Variants in SEPTIN14 observed in about 807,000 individuals in gnomAD.
SEPTIN14 encodes the protein septin-14.
In SEPTIN14, 40 loss-of-function variants were observed where a neutral mutation model predicts 53.6. That is an observed-to-expected ratio of 0.75 (90% CI 0.58 to 0.97). The LOEUF (loss-of-function observed/expected upper bound fraction) is 0.97. SEPTIN14 is among the 50% of genes least tolerant of loss of function. SEPTIN14 has a pLI of 0.00. For missense variants in SEPTIN14, 471 were observed against 508.2 expected (o/e 0.93, Z 0.70); for synonymous variants, 138 against 166.8 (o/e 0.83, Z 1.33).
chr7:55,859,453 T>C (rs962993335), intron 2 of SEPTIN14, among the ~76,000 whole-genome samples: 3 of 152,318 alleles, frequency 2.0e-5, no homozygotes, highest in South Asian at 4.1e-4. Flanking sequence ...TGTGTTTCAC[T>C]GGTCTATGTT....
chr7:55,802,964 G>C (rs1788547215), intron 9 of SEPTIN14, among the ~76,000 whole-genome samples: 1 of 149,446 alleles, frequency 6.7e-6, no homozygotes, highest in Non-Finnish European at 1.5e-5. Flanking sequence ...TTGAGATGGA[G>C]TCTCACTCTG....
chr7:55,833,023 A>C (rs530308234), intron 6 of SEPTIN14, among the ~76,000 whole-genome samples: 2 of 152,304 alleles, frequency 1.3e-5, no homozygotes, highest in Admixed American at 1.3e-4. Context: ...TCTTTTTTTA[A>C]AAAAAGATCT....
chr7:55,830,648 T>A (rs2116023104), intron 6 of SEPTIN14, among the ~76,000 whole-genome samples: 2 of 150,726 alleles, frequency 1.3e-5, no homozygotes, highest in East Asian at 3.9e-4. Context: ...AGGCCCCAAC[T>A]GTATATTGTT....
chr7:55,819,067 A>T, intron 7 of SEPTIN14, 60 bp downstream of exon 7: 1 of 924,034 alleles, frequency 1.1e-6, no homozygotes, highest in Middle Eastern at 2.1e-4. Context: ...TTTTGAGACT[A>T]TGAGTGATAC....
chr7:55,813,832 C>T (rs2115980580), intron 7 of SEPTIN14, among the ~76,000 whole-genome samples: 1 of 152,266 alleles, frequency 6.6e-6, no homozygotes, highest in Admixed American at 6.5e-5. Context: ...AGAGATGGAC[C>T]CAGCCCAGCA....
chr7:55,839,282 G>A (rs969589563), intron 5 of SEPTIN14, among the ~76,000 whole-genome samples: 7 of 151,668 alleles, frequency 4.6e-5, no homozygotes, highest in African/African-American at 4.8e-5. Context: ...CCAGCTACTC[G>A]GGAGGCTGAG....
intron 5 of SEPTIN14, among the ~76,000 whole-genome samples, chr7:55,835,854 T>C (rs982174190): frequency 2.2e-4 from 34 of 152,158 alleles, no homozygotes; most frequent in African/African-American, 6.5e-4. Flanking sequence ...GCAAGTCTCC[T>C]GCTTCAGCCT....
At chr7:55,848,252 C>T (rs770259766) in intron 2 of SEPTIN14, among the ~76,000 whole-genome samples, 2 of 152,136 alleles carry the variant, frequency 1.3e-5, no homozygotes, top group African/African-American at 2.4e-5. Context: ...ACCTCCATCA[C>T]CCGGGCTCCA....
intron 6 of SEPTIN14, among the ~76,000 whole-genome samples, chr7:55,822,342 TG>T (rs1788910471): frequency 6.6e-6 from 1 of 152,234 alleles, no homozygotes; most frequent in Admixed American, 6.5e-5. Context: ...ACTTAACCTA[TG>T]TATTCACCAC....
intron 7 of SEPTIN14, 68 bp from the exon 8 acceptor site, chr7:55,807,326 G>T: frequency 1.0e-6 from 1 of 955,074 alleles, no homozygotes; most frequent in Non-Finnish European, 1.6e-6. Flanking sequence ...AAGTGTTCAT[G>T]AATGAATACA....
intron 2 of SEPTIN14, among the ~76,000 whole-genome samples, chr7:55,858,135 C>T (rs1470621266): frequency 6.6e-6 from 1 of 152,136 alleles, no homozygotes; most frequent in Non-Finnish European, 1.5e-5. Flanking sequence ...TCTTAGGGCG[C>T]TGGTGAAAGC....
intron 5 of SEPTIN14, among the ~76,000 whole-genome samples, chr7:55,837,706 C>T (rs908116146): frequency 6.6e-6 from 1 of 152,170 alleles, no homozygotes; most frequent in African/African-American, 2.4e-5. Flanking sequence ...CCTCAGCCTC[C>T]CGAGTAGCTG....
Position 55,794,714 on chromosome 7 carries a change from A to C in SEPTIN14, c.*1199T>G, listed in dbSNP as rs1788399434. On this transcript the variant is annotated 3_prime_UTR_variant, in exon 10 of 10. Coordinates refer to ENST00000388975, the MANE Select transcript of SEPTIN14 (RefSeq NM_207366.3). The stretch of plus-strand genomic sequence containing the variant: ...CACCCAGGCTGGAGTGCAGTGGCGC[A>C]ATCTCTGCTCACTACAACCTCTGCC... 6.6e-6 allele frequency: 1 copy of C among 152,236 alleles called. No individual in the cohort carries two copies. Among genetic ancestry groups the C allele is most frequent in the South Asian group, 2.1e-4 (1 of 4,824 alleles). 9.4% of individuals were successfully genotyped at this position (152,236 alleles called of 1,614,324 possible).
At chr7:55,805,228 T>C in intron 9 of SEPTIN14, 30 bp downstream of exon 9, 1 of 1,586,550 alleles carries the variant, frequency 6.3e-7, no homozygotes, top group Non-Finnish European at 8.6e-7. Flanking sequence ...TAAAAATTAA[T>C]ACAAATTATA....
At chr7:55,860,419 G>C (rs1231358665) in intron 2 of SEPTIN14, among the ~76,000 whole-genome samples, 4 of 152,014 alleles carry the variant, frequency 2.6e-5, no homozygotes, top group Non-Finnish European at 4.4e-5. Context: ...GTTGGCTGGT[G>C]GGTTCAAACA....
At chr7:55,836,894 G>A (rs1018204677) in intron 5 of SEPTIN14, among the ~76,000 whole-genome samples, 12 of 152,018 alleles carry the variant, frequency 7.9e-5, no homozygotes, top group Non-Finnish European at 1.3e-4. Context: ...TTTTCAGTTT[G>A]AACAATATAT....
intron 9 of SEPTIN14, among the ~76,000 whole-genome samples, chr7:55,799,367 A>T (rs552286849): frequency 1.1e-4 from 17 of 151,312 alleles, no homozygotes; most frequent in African/African-American, 3.9e-4. Flanking sequence ...AAAAAAAAAA[A>T]ATTAGCCACG....
chr7:55,820,874 AG>A (rs1042562916), intron 6 of SEPTIN14, among the ~76,000 whole-genome samples: 1 of 152,092 alleles, frequency 6.6e-6, no homozygotes. Flanking sequence ...CAGGAGGTGG[AG>A]GTTGCAGTGA....
chr7:55,843,553 G>T (rs1419781964), intron 4 of SEPTIN14, among the ~76,000 whole-genome samples: 1 of 152,194 alleles, frequency 6.6e-6, no homozygotes, highest in Non-Finnish European at 1.5e-5. Flanking sequence ...ATAAAAAATG[G>T]CCGGGCGCGG....
Sources: gnomAD v4.1 joint callset for allele counts (sites outside exome capture counted in the v4.1 genomes callset) on GRCh38, gnomAD v4.1.1 for gene constraint, MANE v1.5 for transcripts, NCBI Gene and HGNC (gene_info 2026-07-23, HGNC 2026-07-21) for gene names.